ASPRV1: variants seen among roughly 807,000 people sequenced by gnomAD.
The protein encoded by ASPRV1 is aspartic peptidase retroviral like 1, also known as retroviral-like aspartic protease 1.
In ASPRV1, 7 loss-of-function variants were observed where a neutral mutation model predicts 11.0. That is an observed-to-expected ratio of 0.64 (90% CI 0.36 to 1.20). ASPRV1 has a LOEUF of 1.20. Ranked by LOEUF, ASPRV1 falls within the 50% of genes most tolerant of loss-of-function variation. The pLI, the probability that ASPRV1 is intolerant of heterozygous loss-of-function variation, is 0.02. For missense variants in ASPRV1, 299 were observed against 320.0 expected (o/e 0.93, Z 0.50); for synonymous variants, 136 against 138.4 (o/e 0.98, Z 0.12).
At chr2:69,977,302 C>T in the ASPRV1 span, among the ~76,000 whole-genome samples, 1,618 of 152,270 alleles carry the variant, frequency 0.011, 31 homozygotes, top group African/African-American at 0.037. Flanking sequence ...CAGACAAGCA[C>T]ATTTAAGTAA....
the ASPRV1 span, among the ~76,000 whole-genome samples, chr2:70,057,760 T>A: frequency 6.6e-6 from 1 of 152,070 alleles, no homozygotes; most frequent in Non-Finnish European, 1.5e-5. Flanking sequence ...ATTATAGGCA[T>A]GAGCCACTGC....
the ASPRV1 span, among the ~76,000 whole-genome samples, chr2:70,084,949 A>C: frequency 1.3e-5 from 2 of 152,250 alleles, no homozygotes; most frequent in Non-Finnish European, 2.9e-5. Context: ...AGTTAAAGGC[A>C]AAAAGCCCTT....
the ASPRV1 span, among the ~76,000 whole-genome samples, chr2:70,079,153 C>T: frequency 1.3e-5 from 2 of 151,932 alleles, no homozygotes; most frequent in Non-Finnish European, 2.9e-5. Context: ...TATTAGACAC[C>T]CAAGTGGAGA....
the ASPRV1 span, among the ~76,000 whole-genome samples, chr2:69,974,952 A>G: frequency 6.6e-6 from 1 of 152,170 alleles, no homozygotes; most frequent in African/African-American, 2.4e-5. Context: ...TCTGTCAACT[A>G]GCTTCCCTGC....
the ASPRV1 span, among the ~76,000 whole-genome samples, chr2:70,005,660 C>A: frequency 6.6e-6 from 1 of 150,814 alleles, no homozygotes; most frequent in East Asian, 2.0e-4. Context: ...TTGAGAATAG[C>A]TGAGCCACAT....
At chr2:69,997,692 T>C in the ASPRV1 span, among the ~76,000 whole-genome samples, 2 of 152,208 alleles carry the variant, frequency 1.3e-5, no homozygotes, top group Non-Finnish European at 2.9e-5. Flanking sequence ...TCCAGCCCGA[T>C]GGCACTGAAC....
At chr2:69,993,233 CT>C in the ASPRV1 span, 3 of 152,546 alleles carry the variant, frequency 2.0e-5, no homozygotes, top group Non-Finnish European at 2.9e-5. Context: ...CCCTCCGCCA[CT>C]GCTCCACAAA....
chr2:70,037,113 C>T, the ASPRV1 span, among the ~76,000 whole-genome samples: 1 of 152,312 alleles, frequency 6.6e-6, no homozygotes, highest in African/African-American at 2.4e-5. Flanking sequence ...AACATTTCCT[C>T]TTGGATGTAC....
chr2:69,964,338 C>G (rs1238855805), upstream of ASPRV1: 1 of 455,906 alleles, frequency 2.2e-6, no homozygotes. Context: ...GGGACCTCCA[C>G]AACAGAAACA....
chr2:70,080,232 GT>G, the ASPRV1 span, among the ~76,000 whole-genome samples: 31,502 of 143,760 alleles, frequency 0.22, 5,957 homozygotes, highest in African/African-American at 0.48. Context: ...TGCCCCTTCT[GT>G]TTTTTTTTTT....
the ASPRV1 span, among the ~76,000 whole-genome samples, chr2:69,936,634 G>T: frequency 3.3e-5 from 5 of 152,304 alleles, no homozygotes; most frequent in Middle Eastern, 3.4e-3. Context: ...TGAAGAATAT[G>T]AGAAGCTGGG....
chr2:69,961,540 A>G lies in ASPRV1; in HGVS notation c.-104T>C, dbSNP rs765987687. ...GCTGGAAAACGGGGCCTCTCGAAGC[A>G]GAGTGGGGATGACTTGCCCGGCCTT... On this transcript the variant is annotated 5_prime_UTR_variant, in exon 1 of 1. Coordinates refer to ENST00000320256, the MANE Select transcript of ASPRV1 (RefSeq NM_152792.4). 1.9e-6 allele frequency: 3 copies of G among 1,614,048 alleles called. No individual in the cohort carries two copies. The highest frequency in any genetic ancestry group is 2.5e-6 in the Non-Finnish European group (3 of 1,180,030).
At chr2:70,077,913 A>C in the ASPRV1 span, among the ~76,000 whole-genome samples, 1 of 152,006 alleles carries the variant, frequency 6.6e-6, no homozygotes, top group Non-Finnish European at 1.5e-5. Flanking sequence ...CACACCTATA[A>C]TCCCAGCACT....
At chr2:69,944,087 T>C in the ASPRV1 span, among the ~76,000 whole-genome samples, 13 of 152,172 alleles carry the variant, frequency 8.5e-5, no homozygotes, top group Admixed American at 3.3e-4. Context: ...GATTCTAGGA[T>C]CCATCACTGT....
At chr2:70,034,550 G>A in the ASPRV1 span, among the ~76,000 whole-genome samples, 5 of 149,326 alleles carry the variant, frequency 3.3e-5, no homozygotes, top group Non-Finnish European at 4.4e-5. Flanking sequence ...GAGCCTGGGC[G>A]ACAGAGCGAG....
chr2:70,000,053 G>T, the ASPRV1 span, among the ~76,000 whole-genome samples: 9 of 152,250 alleles, frequency 5.9e-5, no homozygotes, highest in East Asian at 1.5e-3. Flanking sequence ...TCCCTGCTTC[G>T]AGTCATGGCC....
the ASPRV1 span, among the ~76,000 whole-genome samples, chr2:70,078,966 G>A: frequency 2.0e-5 from 3 of 152,182 alleles, no homozygotes; most frequent in African/African-American, 7.2e-5. Flanking sequence ...TATATCTTAA[G>A]GTGAAGTTGA....
chr2:70,052,625 C>G, the ASPRV1 span, among the ~76,000 whole-genome samples: 2 of 152,162 alleles, frequency 1.3e-5, no homozygotes, highest in Non-Finnish European at 2.9e-5. Context: ...CACACCTCCT[C>G]AAGTTCTTTA....
the ASPRV1 span, among the ~76,000 whole-genome samples, chr2:69,991,294 T>G: frequency 6.6e-6 from 1 of 152,174 alleles, no homozygotes; most frequent in South Asian, 2.1e-4. Context: ...GCTCTCCTGA[T>G]CTTCACACTC....
Sources: gnomAD v4.1 joint callset for allele counts (sites outside exome capture counted in the v4.1 genomes callset) on GRCh38, gnomAD v4.1.1 for gene constraint, MANE v1.5 for transcripts, NCBI Gene and HGNC (gene_info 2026-07-23, HGNC 2026-07-21) for gene names.